Variants in NEBL observed in about 807,000 individuals in gnomAD.
The protein encoded by NEBL is nebulette.
NEBL carries 122 observed loss-of-function variants against 140.2 expected under a neutral mutation model. The observed-to-expected ratio is 0.87, with a 90% confidence interval of 0.75 to 1.01. The LOEUF (loss-of-function observed/expected upper bound fraction) is 1.01. Among genes scored for constraint, NEBL ranks in the 50% least tolerant of loss-of-function variants. The probability of loss-of-function intolerance (pLI) is 0.00; values close to 1 mark genes in which losing one functional copy is unlikely to be tolerated. For synonymous variants in NEBL, 436 were observed against 398.9 expected, an observed-to-expected ratio of 1.09 and a Z score of -1.11; for missense variants, 1,365 against 1,231.3, an observed-to-expected ratio of 1.11 and a Z score of -1.62.
At position 20,812,769 on chromosome 10, in the gene NEBL, C is replaced by T; in HGVS notation, c.2518G>A (p.Asp840Asn). Residue 840 changes from aspartate (D) to asparagine (N), a missense_variant and splice_region_variant, in exon 24 of 28, where the codon GAC becomes AAC. Physicochemically the swap from Asp to Asn is conservative, Grantham distance 23. This residue lies in a region of NEBL where 1,323 missense variants were observed against 1,154.8 expected (regional missense o/e 1.15). Coordinates refer to ENST00000377122, the MANE Select transcript of NEBL (RefSeq NM_006393.3). ...CGGCCGACAAACGCCGTCAGCTTAC[C>T]AACAATGATTCCAGGTCTCCTGTCC... The part of the protein sequence containing the change: ...EMDRRPGIIV[D>N]LKVWRTDPGS... 1 of 1,613,898 alleles carries T rather than the reference C, an allele frequency of 6.2e-7. No individual in the cohort carries two copies.
At chr10:20,820,658 T>C (rs1234480461) in intron 19 of NEBL, among the ~76,000 whole-genome samples, 1 of 152,046 alleles carries the variant, frequency 6.6e-6, no homozygotes, top group Non-Finnish European at 1.5e-5. Context: ...AAACCTCATC[T>C]CTACTAAATA....
intron 2 of NEBL, among the ~76,000 whole-genome samples, chr10:21,066,151 G>A (rs998736817): frequency 2.0e-5 from 3 of 152,184 alleles, no homozygotes; most frequent in Non-Finnish European, 1.5e-5. Flanking sequence ...CATTCTCATG[G>A]GCTTAGAGAA....
In NEBL at chr10:20,831,594, T is replaced by C. The variant is rs749398135; in HGVS notation, c.1450-11A>G. The C allele has an allele frequency of 6.5e-6, 10 of 1,544,030 alleles. No individual in the cohort carries two copies. The highest frequency in any genetic ancestry group is 1.8e-6 in the Non-Finnish European group (2 of 1,117,356). On this transcript the variant is annotated splice_polypyrimidine_tract_variant and intron_variant, in intron 14 of 27. Coordinates refer to ENST00000377122, the MANE Select transcript of NEBL (RefSeq NM_006393.3). ...TCTTTTATAGTCTTTCTGCAGAAAA[T>C]GAAACATACAGTTAGTGCTCTCCAA...
chr10:21,267,403 C>T (rs1420039301), intron 1 of NEBL, among the ~76,000 whole-genome samples: 2 of 152,202 alleles, frequency 1.3e-5, no homozygotes, highest in East Asian at 3.8e-4. Context: ...CATGAGCCAC[C>T]ATGCCCAGGC....
chr10:20,994,874 G>A (rs990709978), intron 3 of NEBL, among the ~76,000 whole-genome samples: 2 of 150,870 alleles, frequency 1.3e-5, no homozygotes, highest in African/African-American at 5.0e-5. Context: ...GGCTGAGGAG[G>A]AGGAGGTAGA....
At position 21,173,751 on chromosome 10, in the gene NEBL, G is replaced by GC. The variant is rs1564536273; in HGVS notation, c.69+13dup. ...CCCGGCAGGTCCAGGCTGGCCCGGC[G>GC]CCCCCTCGCTCACCTTATCCAGGCA... On this transcript the variant is annotated intron_variant, in intron 1 of 6. Transcript: ENST00000417816. This position sits in a 1 kb window ranked among gnomAD's most constrained non-coding sequence, Gnocchi z 5.7. 1.2e-6 allele frequency: 2 copies of GC among 1,611,370 alleles called. No homozygotes were observed. The highest frequency in any genetic ancestry group is 8.5e-7 in the Non-Finnish European group (1 of 1,179,360).
At chr10:20,937,349 G>A (rs1338210661) in intron 4 of NEBL, among the ~76,000 whole-genome samples, 1 of 152,096 alleles carries the variant, frequency 6.6e-6, no homozygotes, top group East Asian at 1.9e-4. Flanking sequence ...CTTAAAATAA[G>A]CATCAGATAT....
At position 20,877,181 on chromosome 10, in the gene NEBL, G is replaced by C. The variant is rs139818399; in HGVS notation, c.480+3613C>G. On this transcript the variant is annotated intron_variant, in intron 5 of 27. Transcript: ENST00000377122. Reference sequence around the variant, plus strand: ...ATGTATGCCAGCAACTTTTAAGATGGAGGCTCTGCTGTGAAGCTCTTTACA... The same window carrying C: ...ATGTATGCCAGCAACTTTTAAGATGCAGGCTCTGCTGTGAAGCTCTTTACA... Among the ~76,000 whole-genome samples the C allele has an allele frequency of 5.9e-5, 9 of 152,296 alleles. No individual in the cohort carries two copies. In the East Asian group the frequency reaches 1.7e-3, roughly 29 times the overall value.
At chr10:21,198,039 C>T (rs186183366) in intron 3 of NEBL, among the ~76,000 whole-genome samples, 13 of 152,200 alleles carry the variant, frequency 8.5e-5, no homozygotes, top group African/African-American at 2.6e-4. Flanking sequence ...TGCTGCAAAC[C>T]CTGCTGTCTC....
At chr10:21,104,072 T>A (rs1837598751) in intron 2 of NEBL, among the ~76,000 whole-genome samples, 1 of 152,240 alleles carries the variant, frequency 6.6e-6, no homozygotes, top group Non-Finnish European at 1.5e-5. Flanking sequence ...CCCAGCTGAA[T>A]TAACTTGGTG....
In NEBL at chr10:20,868,672, A is replaced by T. The variant is rs768861339; in HGVS notation, c.676T>A (p.Ser226Thr). 2 of 1,604,154 alleles carry T rather than the reference A, an allele frequency of 1.2e-6. No homozygotes were observed. The highest frequency in any genetic ancestry group is 2.7e-5 in the African/African-American group (2 of 74,644). ...CATCACTAAAGCCTTACTTGACTAG[A>T]AAGTTTAGAAGCTTCCACGGCATGT... is the stretch of plus-strand genomic sequence containing the variant. ...FEHAVEASKL[S>T]SQIKYKEKFD... Residue 226 changes from serine (S) to threonine (T), a missense_variant, in exon 7 of 28, where the codon TCT becomes ACT. Physicochemically the swap from Ser to Thr is moderately conservative, Grantham distance 58 (BLOSUM62 1). This residue lies in a region of NEBL where 1,323 missense variants were observed against 1,154.8 expected (regional missense o/e 1.15). Transcript: ENST00000377122.
At chr10:20,890,113 G>T in intron 2 of NEBL, among the ~76,000 whole-genome samples, 164 bp from the exon 3 acceptor site, 1 of 152,140 alleles carries the variant, frequency 6.6e-6, no homozygotes, top group South Asian at 2.1e-4. Context: ...ATCCAGCACA[G>T]GATTGCAAAG....
At chr10:20,858,614 A>C (rs953492618) in intron 8 of NEBL, among the ~76,000 whole-genome samples, 25 of 152,212 alleles carry the variant, frequency 1.6e-4, no homozygotes, top group Non-Finnish European at 3.2e-4. Flanking sequence ...TTTTCACAGT[A>C]ACTCTGCTTT....
chr10:21,126,361 T>C (rs1053881041), intron 2 of NEBL, among the ~76,000 whole-genome samples: 2 of 152,066 alleles, frequency 1.3e-5, no homozygotes, highest in Non-Finnish European at 2.9e-5. Flanking sequence ...TGTGGACCCC[T>C]CTCAAGCCAG....
chr10:21,266,089 T>C (rs1276392467), intron 1 of NEBL, among the ~76,000 whole-genome samples: 1 of 152,096 alleles, frequency 6.6e-6, no homozygotes, highest in Non-Finnish European at 1.5e-5. Context: ...GCCCCCCATA[T>C]CTGATCGATC....
rs1185657738 is a variant in NEBL, at chr10:20,780,840, T to C, written c.*4907A>G. ...TGCTGACACAGCCATCTGTCATTCC[T>C]GGTTTGCCGTCATTTAAGTAGTTTC... On this transcript the variant is annotated 3_prime_UTR_variant, in exon 28 of 28. Transcript: ENST00000377122. The C allele has an allele frequency of 6.6e-6, 1 of 152,220 alleles. No individual in the cohort carries two copies. The highest frequency in any genetic ancestry group is 1.5e-5 in the Non-Finnish European group (1 of 68,044). 9.4% of individuals were successfully genotyped at this position (152,220 alleles called of 1,614,324 possible).
At chr10:21,290,882 C>T (rs746028704) in intron 1 of NEBL, among the ~76,000 whole-genome samples, 1 of 152,184 alleles carries the variant, frequency 6.6e-6, no homozygotes, top group Non-Finnish European at 1.5e-5. Flanking sequence ...TAGTTTTGCA[C>T]GGCTCCCATG....
intron 4 of NEBL, among the ~76,000 whole-genome samples, chr10:20,942,297 C>T (rs1447163654): frequency 6.6e-6 from 1 of 152,130 alleles, no homozygotes; most frequent in Admixed American, 6.5e-5. Context: ...TATCTACAAC[C>T]ATCTGTTCTT....
At chr10:21,103,437 TCTC>T (rs1837568234) in intron 2 of NEBL, among the ~76,000 whole-genome samples, 1 of 152,064 alleles carries the variant, frequency 6.6e-6, no homozygotes, top group South Asian at 2.1e-4. Flanking sequence ...ATGGTCTCCA[TCTC>T]CTCACCTCCT....
Sources: allele counts gnomAD v4.1 joint callset (sites outside exome capture counted in the v4.1 genomes callset), GRCh38; gene constraint gnomAD v4.1.1; regional missense constraint gnomAD v4.1.1; non-coding constraint Gnocchi (gnomAD v3.1); transcripts MANE v1.5; gene names NCBI Gene and HGNC (gene_info 2026-07-23, HGNC 2026-07-21).